The following SLC1A3 variants were observed in gnomAD, a reference collection of about 807,000 sequenced individuals.
SLC1A3 encodes the protein solute carrier family 1 member 3, also known as excitatory amino acid transporter 1.
SLC1A3 carries 21 observed loss-of-function variants against 48.1 expected under a neutral mutation model. That is an observed-to-expected ratio of 0.44 (90% CI 0.31 to 0.63). SLC1A3 has a LOEUF of 0.63. Among genes scored for constraint, SLC1A3 ranks in the 20% least tolerant of loss-of-function variants. The pLI, the probability that SLC1A3 is intolerant of heterozygous loss-of-function variation, is 0.08. For synonymous variants in SLC1A3, 239 were observed against 251.4 expected (o/e 0.95, Z 0.47); for missense variants, 546 against 689.0 (o/e 0.79, Z 2.32).
rs549483401 is a variant in SLC1A3, at chr5:36,677,404, A to G, written c.860+220A>G. On this transcript the variant is annotated intron_variant, in intron 6 of 9. Transcript: ENST00000265113. The stretch of plus-strand genomic sequence containing the variant: ...TGCTTCCTTGTTTTCAAAAGCTGTC[A>G]CCTCCTTTTACCCCAGTGCTGATGG... Among the ~76,000 whole-genome samples the G allele has an allele frequency of 3.3e-5, 5 of 151,920 alleles. No homozygotes were observed. The South Asian group carries it at 1.0e-3, about 32-fold the overall frequency.
At chr5:36,623,310 T>G (rs1739760723) in intron 2 of SLC1A3, among the ~76,000 whole-genome samples, 1 of 152,174 alleles carries the variant, frequency 6.6e-6, no homozygotes, top group Non-Finnish European at 1.5e-5. Context: ...CATCCATATA[T>G]TGTATAACAT....
At chr5:36,644,141 C>G (rs936846311) in intron 3 of SLC1A3, among the ~76,000 whole-genome samples, 1 of 150,232 alleles carries the variant, frequency 6.7e-6, no homozygotes, top group Non-Finnish European at 1.5e-5. Context: ...CTCCCCCCAC[C>G]CCCCATAGCA....
At chr5:36,654,755 A>G (rs924696326) in intron 3 of SLC1A3, among the ~76,000 whole-genome samples, 2 of 152,142 alleles carry the variant, frequency 1.3e-5, no homozygotes, top group Admixed American at 1.3e-4. Context: ...TAATTCATTC[A>G]GTATTGAGGC....
intron 3 of SLC1A3, among the ~76,000 whole-genome samples, chr5:36,648,422 T>C (rs2111836035): frequency 6.6e-6 from 1 of 152,338 alleles, no homozygotes; most frequent in South Asian, 2.1e-4. Flanking sequence ...TTTGCCTCCA[T>C]AATAAGTCAG....
In SLC1A3 at chr5:36,686,061, G is replaced by A; in HGVS notation, c.1425-4G>A. The A allele has an allele frequency of 6.2e-7, 1 of 1,613,854 alleles. No individual in the cohort carries two copies. Among genetic ancestry groups the A allele is most frequent in the South Asian group, 1.1e-5 (1 of 91,070 alleles). ...TTTTTCCCTCCTCCCCACCCTGCCTGCAGGGATCGCCTCCGGACCACCACC... is the reference window on the plus strand; with the variant it reads ...TTTTTCCCTCCTCCCCACCCTGCCTACAGGGATCGCCTCCGGACCACCACC... On this transcript the variant is annotated splice_region_variant and splice_polypyrimidine_tract_variant and intron_variant, in intron 9 of 9. Transcript: ENST00000265113.
At chr5:36,635,842 A>G (rs366597) in intron 3 of SLC1A3, among the ~76,000 whole-genome samples, 77,413 of 151,908 alleles carry the variant, frequency 0.51, 20,640 homozygotes, top group South Asian at 0.58. Flanking sequence ...GGCAATCATT[A>G]TGAAGCTTCA....
chr5:36,662,772 C>T (rs2111891984), intron 3 of SLC1A3, among the ~76,000 whole-genome samples: 1 of 152,314 alleles, frequency 6.6e-6, no homozygotes, highest in African/African-American at 2.4e-5. Flanking sequence ...GGTGGGCCCT[C>T]TGGCAAACCA....
intron 1 of SLC1A3, among the ~76,000 whole-genome samples, chr5:36,601,163 G>A (rs1392686680): frequency 6.6e-6 from 1 of 152,174 alleles, no homozygotes; most frequent in African/African-American, 2.4e-5. Context: ...ATGTGTATCT[G>A]TCTTGATTGC....
intron 3 of SLC1A3, among the ~76,000 whole-genome samples, chr5:36,652,450 G>A (rs1445189781): frequency 3.9e-5 from 6 of 152,144 alleles, no homozygotes; most frequent in Non-Finnish European, 8.8e-5. Flanking sequence ...TAACTTTCAA[G>A]GGGAGAAAGG....
intron 3 of SLC1A3, among the ~76,000 whole-genome samples, chr5:36,655,046 T>C (rs1741232803): frequency 6.6e-6 from 1 of 151,840 alleles, no homozygotes; most frequent in South Asian, 2.1e-4. Flanking sequence ...GTTTATGGAG[T>C]GGAAATAATA....
chr5:36,609,858 G>A (rs946723399), intron 2 of SLC1A3, among the ~76,000 whole-genome samples: 1 of 152,184 alleles, frequency 6.6e-6, no homozygotes, highest in South Asian at 2.1e-4. Context: ...TGTCCTGGAA[G>A]TCAATGCAAA....
At chr5:36,661,725 T>G (rs574485612) in intron 3 of SLC1A3, among the ~76,000 whole-genome samples, 1 of 152,356 alleles carries the variant, frequency 6.6e-6, no homozygotes, top group South Asian at 2.1e-4. Context: ...GTCTTTAACA[T>G]TCATATATTG....
In SLC1A3 at chr5:36,686,415, A is replaced by C; in HGVS notation, c.*146A>C. The C allele has an allele frequency of 1.4e-6, 1 of 708,878 alleles. No homozygotes were observed. Among genetic ancestry groups the C allele is most frequent in the Non-Finnish European group, 2.5e-6 (1 of 406,850 alleles). The allele number at this position is 708,878 out of a possible 1,614,324, so 43.9% of individuals were successfully genotyped here. A position where few individuals can be genotyped will look rare whatever the true frequency, so the allele number is the denominator to read the frequency against. On this transcript the variant is annotated 3_prime_UTR_variant, in exon 10 of 10. Coordinates refer to ENST00000265113, the MANE Select transcript of SLC1A3 (RefSeq NM_004172.5). Reference sequence around the variant, plus strand: ...TAAGACTGGAAAATAGTCCTCCAAAACACAAGGGAGGATTTTGGGTGGCCA... The same window carrying C: ...TAAGACTGGAAAATAGTCCTCCAAACCACAAGGGAGGATTTTGGGTGGCCA...
Position 36,608,395 on chromosome 5 carries a change from A to G in SLC1A3, c.-29A>G. The G allele has an allele frequency of 6.2e-7, 1 of 1,611,802 alleles. No homozygotes were observed. Among genetic ancestry groups the G allele is most frequent in the East Asian group, 2.2e-5 (1 of 44,852 alleles). ...GGTGATTCCCAGACACTGAAGTGCA[A>G]AGAAGAGACCCTCCTAGAAAAGTAA... is the stretch of plus-strand genomic sequence containing the variant. On this transcript the variant is annotated 5_prime_UTR_variant, in exon 2 of 10. Transcript: ENST00000265113.
At chr5:36,610,905 G>T (rs1048588888) in intron 2 of SLC1A3, among the ~76,000 whole-genome samples, 2 of 152,164 alleles carry the variant, frequency 1.3e-5, no homozygotes, top group African/African-American at 2.4e-5. Flanking sequence ...CACATAAAAA[G>T]AGCTCATTGA....
intron 3 of SLC1A3, among the ~76,000 whole-genome samples, chr5:36,670,618 C>T (rs370050068): frequency 5.3e-5 from 8 of 152,150 alleles, no homozygotes; most frequent in Middle Eastern, 3.4e-3. Flanking sequence ...CTTAGATTAT[C>T]CTGCCAGAAA....
chr5:36,679,655 A>T lies in SLC1A3; in HGVS notation c.889A>T (p.Ile297Phe). ...WYAPVGILFL[I>F]AGKIVEMEDM... is the part of the protein sequence containing the mutation. ...TGCCCCCGTGGGTATTCTCTTCCTG[A>T]TTGCTGGGAAGATTGTGGAGATGGA... Residue 297 changes from isoleucine (I) to phenylalanine (F), a missense_variant, in exon 7 of 10, where the codon ATT becomes TTT. Ile to Phe is a conservative substitution (Grantham distance 21). Coordinates refer to ENST00000265113, the MANE Select transcript of SLC1A3 (RefSeq NM_004172.5). The T allele has an allele frequency of 1.2e-6, 2 of 1,613,830 alleles. No homozygotes were observed. The highest frequency in any genetic ancestry group is 1.7e-6 in the Non-Finnish European group (2 of 1,179,902).
Position 36,686,540 on chromosome 5 carries a change from T to C in SLC1A3, c.*271T>C. 1 of 474,800 alleles carries C rather than the reference T, an allele frequency of 2.1e-6. No individual in the cohort carries two copies. 29.4% of individuals were successfully genotyped at this position (474,800 alleles called of 1,614,324 possible). A position where few individuals can be genotyped will look rare whatever the true frequency, so the allele number is the denominator to read the frequency against. On this transcript the variant is annotated 3_prime_UTR_variant, in exon 10 of 10. Coordinates refer to ENST00000265113, the MANE Select transcript of SLC1A3 (RefSeq NM_004172.5). ...ATCACAAATAGTGTTGATCAGATCT[T>C]ACAAGTTTATGTGGCACACAATCCT...
intron 5 of SLC1A3, among the ~76,000 whole-genome samples, chr5:36,674,884 C>T (rs1296289827): frequency 6.6e-6 from 1 of 152,174 alleles, no homozygotes; most frequent in Non-Finnish European, 1.5e-5. Flanking sequence ...AGCTCATATA[C>T]AAGCAACTCT....
Sources: gnomAD v4.1 joint callset for allele counts (sites outside exome capture counted in the v4.1 genomes callset) on GRCh38, gnomAD v4.1.1 for gene constraint, MANE v1.5 for transcripts, NCBI Gene and HGNC (gene_info 2026-07-23, HGNC 2026-07-21) for gene names.